The following CCDC3 variants were observed in gnomAD, a reference collection of about 807,000 sequenced individuals.
CCDC3 encodes the protein coiled-coil domain-containing protein 3.
Under a neutral mutation model 21.4 loss-of-function variants are expected in CCDC3, and 24 were observed. That is an observed-to-expected ratio of 1.12 (90% confidence interval 0.81 to 1.58). The LOEUF is 1.58. Ranked by LOEUF, CCDC3 falls within the 40% of genes most tolerant of loss-of-function variation. The pLI is 0.00. For synonymous variants in CCDC3, 186 were observed against 166.0 expected, an observed-to-expected ratio of 1.12 and a Z score of -0.93; for missense variants, 425 against 360.9, an observed-to-expected ratio of 1.18 and a Z score of -1.44.
In CCDC3 at chr10:12,998,420, C is replaced by T. The variant is rs148183490; in HGVS notation, c.467G>A (p.Ser156Asn). The change falls in exon 2 of 3, where the codon AGC becomes AAC. Residue 156 changes from serine to asparagine, a missense_variant. Coordinates refer to ENST00000378825, the MANE Select transcript of CCDC3 (RefSeq NM_031455.4). ...DTQENRRMFSSLFQFSNCSQG... is the reference protein window; with the variant it reads ...DTQENRRMFSNLFQFSNCSQG... ...CGAACAGTTTGAAAACTGGAAAAGG[C>T]TAGAAAACATCCTTCTGTTCTCTTG... 6.2e-7 allele frequency: 1 copy of T among 1,614,180 alleles called. No homozygotes were observed. The highest frequency in any genetic ancestry group is 8.5e-7 in the Non-Finnish European group (1 of 1,180,034).
chr10:12,987,289 T>C (rs950964128), intron 2 of CCDC3, among the ~76,000 whole-genome samples: 20 of 152,184 alleles, frequency 1.3e-4, no homozygotes, highest in Admixed American at 3.3e-4. Context: ...ACATTCTCCA[T>C]AACCCATGAC....
At chr10:13,050,739 G>A (rs774856453) in intron 4 of CCDC3, among the ~76,000 whole-genome samples, 203 of 152,168 alleles carry the variant, frequency 1.3e-3, no homozygotes, top group Non-Finnish European at 2.2e-3. Flanking sequence ...GATTACAGGC[G>A]TGAACCACCG....
intron 4 of CCDC3, among the ~76,000 whole-genome samples, chr10:13,056,249 G>C (rs1375778196): frequency 6.6e-6 from 1 of 152,280 alleles, no homozygotes; most frequent in Non-Finnish European, 1.5e-5. Flanking sequence ...AGGTCAATTT[G>C]GGCACTGACA....
chr10:12,901,309 G>A (rs552708904), intron 2 of CCDC3, among the ~76,000 whole-genome samples: 17 of 151,822 alleles, frequency 1.1e-4, no homozygotes, highest in Admixed American at 2.0e-4. Context: ...TTGCTGTGTC[G>A]CCAGGCTGGA....
intron 5 of CCDC3, among the ~76,000 whole-genome samples, chr10:13,022,108 A>C (rs1218144919): frequency 6.6e-6 from 1 of 152,062 alleles, no homozygotes; most frequent in African/African-American, 2.4e-5. Context: ...AGCCCACCAC[A>C]AGAGATGAGG....
intron 2 of CCDC3, among the ~76,000 whole-genome samples, chr10:12,913,135 A>T (rs1321355617): frequency 6.6e-6 from 1 of 152,188 alleles, no homozygotes; most frequent in East Asian, 1.9e-4. Flanking sequence ...AAATTCCATT[A>T]AGGTTTTTGA....
At chr10:12,961,343 G>A (rs1835176175) in intron 2 of CCDC3, among the ~76,000 whole-genome samples, 1 of 152,144 alleles carries the variant, frequency 6.6e-6, no homozygotes. Context: ...CCAAAAATAT[G>A]TCAGGAAGGA....
intron 2 of CCDC3, among the ~76,000 whole-genome samples, chr10:12,923,477 G>A (rs144958892): frequency 1.3e-5 from 2 of 152,214 alleles, no homozygotes; most frequent in African/African-American, 4.8e-5. Flanking sequence ...CCAATGTGAT[G>A]CTACCTTCAC....
At chr10:13,036,848 C>T (rs754046614) in intron 5 of CCDC3, among the ~76,000 whole-genome samples, 5 of 150,586 alleles carry the variant, frequency 3.3e-5, no homozygotes, top group Non-Finnish European at 5.9e-5. Context: ...GGTGTGATCA[C>T]GGCTCATTGC....
At chr10:12,981,708 A>C (rs1046461283) in intron 2 of CCDC3, among the ~76,000 whole-genome samples, 1 of 152,204 alleles carries the variant, frequency 6.6e-6, no homozygotes, top group Non-Finnish European at 1.5e-5. Flanking sequence ...GAAGTAGTCC[A>C]TGGCAAGAGT....
intron 5 of CCDC3, among the ~76,000 whole-genome samples, chr10:13,028,219 T>A (rs1173160396): frequency 1.3e-5 from 2 of 152,016 alleles, no homozygotes; most frequent in African/African-American, 4.8e-5. Context: ...TGATAGTGAG[T>A]ACGTCTCATG....
chr10:12,939,031 C>T (rs573828571), intron 2 of CCDC3, among the ~76,000 whole-genome samples: 1 of 151,814 alleles, frequency 6.6e-6, no homozygotes, highest in East Asian at 1.9e-4. Context: ...AGGTTGGCTG[C>T]ATCCACTACA....
At chr10:12,954,296 A>C (rs1282603701) in intron 2 of CCDC3, among the ~76,000 whole-genome samples, 4 of 152,236 alleles carry the variant, frequency 2.6e-5, no homozygotes, top group African/African-American at 9.6e-5. Context: ...TGGCTTGGCT[A>C]TATTGAATTG....
Position 12,998,589 on chromosome 10 carries a change from A to G in CCDC3, c.375-77T>C. 2.2e-6 allele frequency: 3 copies of G among 1,385,306 alleles called. No homozygotes were observed. In the Admixed American group the frequency reaches 6.1e-5, roughly 28 times the overall value. The allele number at this position is 1,385,306 out of a possible 1,614,324, so 85.8% of individuals were successfully genotyped here. Reference sequence around the variant, plus strand: ...CAGCTCCAATCCAGAGTCACAGACAACTGCAACGGGCTTGCCAATTTCACA... The same window carrying G: ...CAGCTCCAATCCAGAGTCACAGACAGCTGCAACGGGCTTGCCAATTTCACA... On this transcript the variant is annotated intron_variant, in intron 1 of 2. Coordinates refer to ENST00000378825, the MANE Select transcript of CCDC3 (RefSeq NM_031455.4).
rs111893291 is a variant in CCDC3, at chr10:13,028,643, T to C, written c.-2+21031A>G. 4.3e-3 allele frequency among the ~76,000 whole-genome samples: 648 copies of C among 152,316 alleles called. 5 individuals are homozygous for C. Among genetic ancestry groups the C allele is most frequent in the African/African-American group, 0.015 (632 of 41,568 alleles). On this transcript the variant is annotated intron_variant, in intron 5 of 6. Coordinates refer to the CCDC3 transcript ENST00000378839. ...GTCCCATCACATCAGAAAAATGGTA[T>C]TGGAGTGAATTTGTGGACTCTTTCT... is the stretch of plus-strand genomic sequence containing the variant.
chr10:12,988,671 C>A (rs1835635519), intron 2 of CCDC3, among the ~76,000 whole-genome samples: 1 of 152,070 alleles, frequency 6.6e-6, no homozygotes, highest in Admixed American at 6.6e-5. Context: ...TGGCCAAACA[C>A]CTATCATTAT....
At chr10:12,898,784 C>T in intron 2 of CCDC3, 105 bp from the exon 3 acceptor site, 3 of 1,326,140 alleles carry the variant, frequency 2.3e-6, no homozygotes, top group Non-Finnish European at 3.1e-6. Context: ...CAACACAGAC[C>T]CCGATTCCCC....
intron 2 of CCDC3, among the ~76,000 whole-genome samples, chr10:12,941,454 C>T (rs1834829819): frequency 6.6e-6 from 1 of 152,132 alleles, no homozygotes; most frequent in Non-Finnish European, 1.5e-5. Context: ...ATCCAAGAAC[C>T]CTCTCTTGGG....
chr10:12,911,195 G>T (rs1439036307), intron 2 of CCDC3, among the ~76,000 whole-genome samples: 1 of 125,204 alleles, frequency 8.0e-6, no homozygotes, highest in African/African-American at 3.9e-5. Flanking sequence ...TAATGAGGCT[G>T]TTGCATCACC....
Sources: allele counts gnomAD v4.1 joint callset (sites outside exome capture counted in the v4.1 genomes callset), GRCh38; gene constraint gnomAD v4.1.1; transcripts MANE v1.5; gene names NCBI Gene and HGNC (gene_info 2026-07-23, HGNC 2026-07-21).